The following DSCAML1 variants were observed in gnomAD, a reference collection of about 807,000 sequenced individuals.
The protein encoded by DSCAML1 is cell adhesion molecule DSCAML1.
A neutral mutation model predicts 200.5 loss-of-function variants in DSCAML1; 38 were observed. The ratio of observed to expected loss-of-function variants is 0.19; its 90% confidence interval spans 0.15 to 0.25. The LOEUF is 0.25. Among genes scored for constraint, DSCAML1 ranks in the 10% least tolerant of loss-of-function variants. The pLI, the probability that DSCAML1 is intolerant of heterozygous loss-of-function variation, is 1.00. For synonymous variants in DSCAML1, 1,215 were observed against 1,165.0 expected (o/e 1.04, Z -0.87); for missense variants, 2,223 against 2,858.8 (o/e 0.78, Z 5.07).
rs146036731 is a variant in DSCAML1 at position 117,438,201 on chromosome 11, G to C, written c.4244-118C>G. 1,301 of 1,034,068 alleles carry C rather than the reference G, an allele frequency of 1.3e-3. 15 individuals are homozygous for C. The African/African-American group carries it at 0.019, about 15-fold the overall frequency. 64.1% of individuals were successfully genotyped at this position (1,034,068 alleles called of 1,614,324 possible). On this transcript the variant is annotated intron_variant, in intron 24 of 32. Coordinates refer to ENST00000651296, the MANE Select transcript of DSCAML1 (RefSeq NM_020693.4). ...GGCAGGGGGCAGAGTCAGGCTTTTG[G>C]TCATTGGAACGGGCATATGCTCCTT... is the stretch of plus-strand genomic sequence containing the variant.
intron 3 of DSCAML1, among the ~76,000 whole-genome samples, chr11:117,722,826 C>T (rs2054063286): frequency 6.6e-6 from 1 of 152,156 alleles, no homozygotes; most frequent in Non-Finnish European, 1.5e-5. Flanking sequence ...AATCTCATCC[C>T]CCATCCTGTC....
At chr11:117,660,939 G>T (rs2052836053) in intron 3 of DSCAML1, among the ~76,000 whole-genome samples, 1 of 152,132 alleles carries the variant, frequency 6.6e-6, no homozygotes, top group Non-Finnish European at 1.5e-5. Flanking sequence ...CATCATTAAG[G>T]GTTCCTTTGA....
At chr11:117,634,274 C>T (rs1397970993) in intron 3 of DSCAML1, among the ~76,000 whole-genome samples, 2 of 152,196 alleles carry the variant, frequency 1.3e-5, no homozygotes, top group Non-Finnish European at 2.9e-5. Context: ...GGTTATCCTG[C>T]TCTGAGCAGA....
intron 3 of DSCAML1, among the ~76,000 whole-genome samples, chr11:117,701,314 G>C (rs1227531469): frequency 6.6e-6 from 1 of 151,984 alleles, no homozygotes; most frequent in African/African-American, 2.4e-5. Flanking sequence ...CTGAAGGAGA[G>C]GCAACTGGGG....
chr11:117,435,265 T>C (rs918084344), intron 27 of DSCAML1, among the ~76,000 whole-genome samples: 26 of 152,208 alleles, frequency 1.7e-4, no homozygotes, highest in East Asian at 7.7e-4. Flanking sequence ...GTCTATTCTT[T>C]AGTGAATGGG....
intron 3 of DSCAML1, among the ~76,000 whole-genome samples, chr11:117,633,209 G>T (rs965511866): frequency 6.6e-6 from 1 of 152,176 alleles, no homozygotes; most frequent in Non-Finnish European, 1.5e-5. Context: ...GGTTGTCTGG[G>T]GACAGTGTGT....
intron 19 of DSCAML1, among the ~76,000 whole-genome samples, chr11:117,456,263 AG>A (rs1217639415): frequency 6.6e-6 from 1 of 152,244 alleles, no homozygotes; most frequent in African/African-American, 2.4e-5. Context: ...ATGGCAGAGC[AG>A]AAGGCTGGGA....
intron 3 of DSCAML1, among the ~76,000 whole-genome samples, chr11:117,766,702 G>C (rs1393289771): frequency 1.3e-5 from 2 of 152,162 alleles, no homozygotes; most frequent in Non-Finnish European, 2.9e-5. Context: ...TCACCCAGGG[G>C]GTGCTCTGGA....
chr11:117,653,416 G>C (rs1484219771), intron 3 of DSCAML1, among the ~76,000 whole-genome samples: 1 of 152,140 alleles, frequency 6.6e-6, no homozygotes, highest in Non-Finnish European at 1.5e-5. Context: ...AGAAGCCTGG[G>C]GACAGTGGTC....
At chr11:117,446,406 G>T (rs2048178154) in intron 20 of DSCAML1, among the ~76,000 whole-genome samples, 1 of 151,874 alleles carries the variant, frequency 6.6e-6, no homozygotes, top group Non-Finnish European at 1.5e-5. Context: ...AGAATCAATA[G>T]GAAAGCAATG....
intron 1 of DSCAML1, among the ~76,000 whole-genome samples, chr11:117,794,155 T>C (rs958932897): frequency 2.0e-5 from 3 of 151,628 alleles, no homozygotes; most frequent in East Asian, 1.9e-4. Flanking sequence ...ATCGGAGAAG[T>C]TGGGGTGGGA....
Position 117,790,088 on chromosome 11 carries a change from C to T in DSCAML1, c.46+6946G>A, listed in dbSNP as rs920121462. Among the ~76,000 whole-genome samples, 5 of 152,176 alleles carry T rather than the reference C, an allele frequency of 3.3e-5. No individual in the cohort carries two copies. The East Asian group carries it at 7.7e-4, about 23-fold the overall frequency. On this transcript the variant is annotated intron_variant, in intron 1 of 32. Transcript: ENST00000651296. ...TATCCTCTCTCATACCCCACGACTG[C>T]GGGAGGGTCACCCTAGTAGCAGGGT...
intron 20 of DSCAML1, among the ~76,000 whole-genome samples, chr11:117,450,071 C>G (rs537088056): frequency 6.6e-6 from 1 of 152,240 alleles, no homozygotes; most frequent in African/African-American, 2.4e-5. Flanking sequence ...GACGCCTGTG[C>G]CTTCTCTCGG....
At position 117,505,991 on chromosome 11, in the gene DSCAML1, C is replaced by G. The variant is rs1241265287; in HGVS notation, c.1784-259G>C. Among the ~76,000 whole-genome samples the G allele has an allele frequency of 6.6e-6, 1 of 152,214 alleles. No homozygotes were observed. Among genetic ancestry groups the G allele is most frequent in the African/African-American group, 2.4e-5 (1 of 41,454 alleles). ...GATTAACTCTGACCTTTTGATGTGTCCTGGAATTTGATTCATGCCTGCTGA... is the reference window on the plus strand; with the variant it reads ...GATTAACTCTGACCTTTTGATGTGTGCTGGAATTTGATTCATGCCTGCTGA... On this transcript the variant is annotated intron_variant, in intron 8 of 32. Coordinates refer to ENST00000651296, the MANE Select transcript of DSCAML1 (RefSeq NM_020693.4). This position sits in a 1 kb window ranked among gnomAD's most constrained non-coding sequence, Gnocchi z 6.7.
chr11:117,741,067 T>C (rs2054415161), intron 3 of DSCAML1, among the ~76,000 whole-genome samples: 1 of 152,254 alleles, frequency 6.6e-6, no homozygotes, highest in Admixed American at 6.5e-5. Flanking sequence ...TGTTTTCTTA[T>C]TTATAAATAT....
At chr11:117,777,351 GA>G (rs1318897026) in intron 2 of DSCAML1, among the ~76,000 whole-genome samples, 2 of 152,164 alleles carry the variant, frequency 1.3e-5, no homozygotes, top group Non-Finnish European at 2.9e-5. Flanking sequence ...ATTCCCCTAA[GA>G]AAACCAAACC....
Position 117,444,033 on chromosome 11 carries a change from T to C in DSCAML1, c.3715A>G (p.Ser1239Gly). Residue 1239 changes from serine (S) to glycine (G), a missense_variant, in exon 21 of 33, where the codon AGC becomes GGC. Physicochemically the swap from Ser to Gly is moderately conservative, Grantham distance 56. This residue lies in a region of DSCAML1 where 614 missense variants were observed against 739.1 expected (regional missense o/e 0.83). Coordinates refer to ENST00000651296, the MANE Select transcript of DSCAML1 (RefSeq NM_020693.4). ...SSPGSGQPAP[S>G]EYETSPEQLF... ...TGCTCTGGACTCGTCTCGTACTCGCTGGGAGCCTGCGGGGCAGAGGCAAAG... is the reference window on the plus strand; with the variant it reads ...TGCTCTGGACTCGTCTCGTACTCGCCGGGAGCCTGCGGGGCAGAGGCAAAG... The C allele has an allele frequency of 6.2e-7, 1 of 1,611,664 alleles. No individual in the cohort carries two copies. The highest frequency in any genetic ancestry group is 2.2e-5 in the East Asian group (1 of 44,772).
intron 7 of DSCAML1, among the ~76,000 whole-genome samples, chr11:117,517,650 AC>A (rs1407394172): frequency 1.3e-5 from 2 of 151,862 alleles, no homozygotes; most frequent in African/African-American, 4.8e-5. Context: ...TCCTTTTCCT[AC>A]CCCCACGGCA....
intron 8 of DSCAML1, among the ~76,000 whole-genome samples, chr11:117,507,058 G>T (rs184771315): frequency 6.6e-6 from 1 of 151,648 alleles, no homozygotes; most frequent in African/African-American, 2.4e-5. Flanking sequence ...AGCCTGAGTC[G>T]ATGTGAGATG....
Sources: allele counts gnomAD v4.1 joint callset (sites outside exome capture counted in the v4.1 genomes callset), GRCh38; gene constraint gnomAD v4.1.1; regional missense constraint gnomAD v4.1.1; non-coding constraint Gnocchi (gnomAD v3.1); transcripts MANE v1.5; gene names NCBI Gene and HGNC (gene_info 2026-07-23, HGNC 2026-07-21).